TRPM3: variants seen among roughly 807,000 people sequenced by gnomAD.
TRPM3 encodes long transient receptor potential channel 3.
In TRPM3, 77 loss-of-function variants were observed where a neutral mutation model predicts 181.2. The observed-to-expected ratio is 0.42, with a 90% confidence interval of 0.35 to 0.51. The LOEUF (loss-of-function observed/expected upper bound fraction) is 0.51. TRPM3 is among the 20% of genes least tolerant of loss of function. TRPM3 has a pLI of 0.01. For synonymous variants in TRPM3, 745 were observed against 796.4 expected (o/e 0.94, Z 1.09); for missense variants, 1,759 against 2,196.7 (o/e 0.80, Z 3.98).
intron 9 of TRPM3, among the ~76,000 whole-genome samples, chr9:70,668,563 G>A (rs928309649): frequency 6.6e-6 from 1 of 151,598 alleles, no homozygotes; most frequent in Admixed American, 6.6e-5. Flanking sequence ...TACGCGGGAG[G>A]CTGAGGCAGG....
chr9:71,106,378 T>C (rs760063048), intron 1 of TRPM3, among the ~76,000 whole-genome samples: 17 of 152,180 alleles, frequency 1.1e-4, no homozygotes, highest in East Asian at 3.9e-4. Context: ...GCCCTCCCCA[T>C]GGTAATGAGG....
chr9:71,347,984 G>T (rs1158383479), intron 1 of TRPM3, among the ~76,000 whole-genome samples: 1 of 152,026 alleles, frequency 6.6e-6, no homozygotes, highest in East Asian at 1.9e-4. Flanking sequence ...TGAGAAAAAA[G>T]TTAAAATGAA....
intron 1 of TRPM3, among the ~76,000 whole-genome samples, chr9:70,979,821 T>G (rs1248160733): frequency 6.6e-6 from 1 of 152,152 alleles, no homozygotes; most frequent in Non-Finnish European, 1.5e-5. Context: ...TCATGGGGGC[T>G]TCTCTCCTTT....
chr9:71,227,635 C>T (rs1243509347), intron 1 of TRPM3, among the ~76,000 whole-genome samples: 1 of 151,262 alleles, frequency 6.6e-6, no homozygotes, highest in East Asian at 1.9e-4. Context: ...AAAAAAAAAT[C>T]AGAAATGAAA....
At chr9:70,780,268 T>C (rs1458277921) in intron 7 of TRPM3, among the ~76,000 whole-genome samples, 2 of 152,176 alleles carry the variant, frequency 1.3e-5, no homozygotes, top group Non-Finnish European at 2.9e-5. Flanking sequence ...TAAATTAACT[T>C]AAAACATTTT....
intron 1 of TRPM3, among the ~76,000 whole-genome samples, chr9:71,182,449 A>C (rs2077457617): frequency 6.6e-6 from 1 of 151,988 alleles, no homozygotes; most frequent in South Asian, 2.1e-4. Context: ...GCCAAGCAAA[A>C]CCTGACAATT....
intron 1 of TRPM3, among the ~76,000 whole-genome samples, chr9:71,393,108 G>A (rs1225553647): frequency 6.6e-6 from 1 of 152,174 alleles, no homozygotes; most frequent in Non-Finnish European, 1.5e-5. Context: ...TGTCTGGGCA[G>A]TTTTGAGTCT....
chr9:70,653,677 CAAA>C lies in TRPM3; in HGVS notation c.1346-13020_1346-13018del, dbSNP rs71507003. Among the ~76,000 whole-genome samples the C allele has an allele frequency of 9.8e-3, 1,011 of 103,088 alleles. 6 individuals are homozygous for C. Among genetic ancestry groups the C allele is most frequent in the Middle Eastern group, 0.027 (5 of 182 alleles). 67.6% of individuals were successfully genotyped at this position (103,088 alleles called of 152,430 possible). On this transcript the variant is annotated intron_variant, in intron 9 of 25. Transcript: ENST00000677713. ...TGGTTTCTGAGTTTGCTTCCTGTCT[CAAA>C]AAAAAAAAAAAAAAAAAAAACAAAC...
chr9:70,935,283 T>C (rs1385140571), intron 1 of TRPM3, among the ~76,000 whole-genome samples: 1 of 152,180 alleles, frequency 6.6e-6, no homozygotes, highest in Non-Finnish European at 1.5e-5. Flanking sequence ...GCCAGTCAGT[T>C]TGTCTCCCCT....
rs564264563 is a variant in TRPM3, at chr9:71,020,374, A to G, written c.177+100804T>C. Among the ~76,000 whole-genome samples, 76 of 152,042 alleles carry G rather than the reference A, an allele frequency of 5.0e-4. 1 individual carries two copies. Among genetic ancestry groups the G allele is most frequent in the African/African-American group, 1.4e-3 (59 of 41,484 alleles). ...GCACACCTGTGGTCCCAGCTATACAAGAAGCTGGGCAGAAGATCACTTGAG... is the reference window on the plus strand; with the variant it reads ...GCACACCTGTGGTCCCAGCTATACAGGAAGCTGGGCAGAAGATCACTTGAG... On this transcript the variant is annotated intron_variant, in intron 1 of 25. Coordinates refer to ENST00000677713, the MANE Select transcript of TRPM3 (RefSeq NM_001366145.2).
At chr9:71,069,241 G>A (rs1337369082) in intron 1 of TRPM3, among the ~76,000 whole-genome samples, 1 of 152,216 alleles carries the variant, frequency 6.6e-6, no homozygotes, top group African/African-American at 2.4e-5. Flanking sequence ...GGAGTGCAGT[G>A]GCGCCATCTC....
At chr9:70,867,214 C>T (rs1465258821) in intron 1 of TRPM3, among the ~76,000 whole-genome samples, 1 of 152,066 alleles carries the variant, frequency 6.6e-6, no homozygotes, top group Non-Finnish European at 1.5e-5. Context: ...ATTAGGAAGA[C>T]ACCAGAATCT....
chr9:70,600,813 C>T (rs1158248440), intron 20 of TRPM3, among the ~76,000 whole-genome samples: 1 of 152,220 alleles, frequency 6.6e-6, no homozygotes. Flanking sequence ...ATGCCTTGAG[C>T]TTTTCCAACC....
intron 6 of TRPM3, among the ~76,000 whole-genome samples, chr9:70,788,724 C>T (rs1387447783): frequency 6.6e-6 from 1 of 152,154 alleles, no homozygotes; most frequent in Non-Finnish European, 1.5e-5. Flanking sequence ...CTTGCTTTCT[C>T]ATCTAGGGTT....
intron 1 of TRPM3, among the ~76,000 whole-genome samples, chr9:70,909,095 T>A (rs1422240316): frequency 6.6e-6 from 1 of 152,234 alleles, no homozygotes; most frequent in Non-Finnish European, 1.5e-5. Context: ...TGAAAAAAGA[T>A]TAATTGCAGT....
chr9:71,381,295 T>G (rs1263270341), intron 1 of TRPM3, among the ~76,000 whole-genome samples: 2 of 152,074 alleles, frequency 1.3e-5, no homozygotes, highest in African/African-American at 4.8e-5. Context: ...GGGAAGAGGA[T>G]TTATCCAGGC....
At chr9:70,991,710 G>T (rs1390516113) in intron 1 of TRPM3, among the ~76,000 whole-genome samples, 2 of 152,044 alleles carry the variant, frequency 1.3e-5, no homozygotes, top group Non-Finnish European at 2.9e-5. Flanking sequence ...AATTTCTTCA[G>T]TTGCTCCAAG....
Position 71,356,802 on chromosome 9 carries a change from C to A in TRPM3, c.183+89851G>T, listed in dbSNP as rs79760700. Among the ~76,000 whole-genome samples, 794 of 152,146 alleles carry A rather than the reference C, an allele frequency of 5.2e-3. 9 individuals are homozygous for A. The highest frequency in any genetic ancestry group is 0.018 in the African/African-American group (766 of 41,528). On this transcript the variant is annotated intron_variant, in intron 1 of 24. Transcript: ENST00000357533. ...AATCTTACTCCCTTGTGTATTCCAG[C>A]CCCGAGCCCCAGAGAGAGAGATCAG... is the stretch of plus-strand genomic sequence containing the variant.
chr9:71,138,750 T>A (rs1261565615), intron 1 of TRPM3, among the ~76,000 whole-genome samples: 3 of 152,220 alleles, frequency 2.0e-5, no homozygotes, highest in East Asian at 3.9e-4. Context: ...AGAAATCATA[T>A]CAGGCTTCCT....
Sources: gnomAD v4.1 joint callset for allele counts (sites outside exome capture counted in the v4.1 genomes callset) on GRCh38, gnomAD v4.1.1 for gene constraint, MANE v1.5 for transcripts, NCBI Gene and HGNC (gene_info 2026-07-23, HGNC 2026-07-21) for gene names.